The following MARCHF4 variants were observed in gnomAD, a reference collection of about 807,000 sequenced individuals.
The protein encoded by MARCHF4 is membrane associated ring-CH-type finger 4.
MARCHF4 carries 14 observed loss-of-function variants against 43.9 expected under a neutral mutation model. That is an observed-to-expected ratio of 0.32 (90% confidence interval 0.21 to 0.50). MARCHF4 has a LOEUF of 0.50. MARCHF4 is among the 20% of genes least tolerant of loss of function. MARCHF4 has a pLI of 0.98. For synonymous variants in MARCHF4, 226 were observed against 213.3 expected (o/e 1.06, Z -0.52); for missense variants, 468 against 536.7 (o/e 0.87, Z 1.27).
intron 3 of MARCHF4, among the ~76,000 whole-genome samples, chr2:216,270,925 C>A (rs2105934640): frequency 6.6e-6 from 1 of 152,326 alleles, no homozygotes; most frequent in South Asian, 2.1e-4. Flanking sequence ...CTATTACAAG[C>A]ATTTTCCAGC....
intron 1 of MARCHF4, among the ~76,000 whole-genome samples, chr2:216,325,613 T>C (rs1384931267): frequency 6.6e-6 from 1 of 151,684 alleles, no homozygotes; most frequent in African/African-American, 2.4e-5. Context: ...GGTATATAGA[T>C]ATAGATCAAT....
chr2:216,268,599 A>G (rs780862433), intron 3 of MARCHF4, among the ~76,000 whole-genome samples: 5 of 152,192 alleles, frequency 3.3e-5, no homozygotes, highest in Admixed American at 6.5e-5. Context: ...AGCCATGTGG[A>G]ACTGAGTCAA....
At chr2:216,338,198 A>G (rs995447676) in intron 1 of MARCHF4, among the ~76,000 whole-genome samples, 2 of 152,196 alleles carry the variant, frequency 1.3e-5, no homozygotes, top group Non-Finnish European at 1.5e-5. Context: ...ACTTTTTCTT[A>G]AGCAGTTTAG....
At chr2:216,328,609 C>G (rs1401281202) in intron 1 of MARCHF4, among the ~76,000 whole-genome samples, 2 of 152,116 alleles carry the variant, frequency 1.3e-5, no homozygotes, top group African/African-American at 2.4e-5. Flanking sequence ...CCAGAGTTTA[C>G]TAGTTGTTTG....
chr2:216,280,108 C>G (rs1286923458), intron 2 of MARCHF4, among the ~76,000 whole-genome samples: 1 of 152,054 alleles, frequency 6.6e-6, no homozygotes, highest in Admixed American at 6.6e-5. Flanking sequence ...GGGTGGGGTT[C>G]TATGGACAAG....
At chr2:216,284,535 G>A (rs1236816496) in intron 1 of MARCHF4, among the ~76,000 whole-genome samples, 7 of 152,080 alleles carry the variant, frequency 4.6e-5, no homozygotes, top group Non-Finnish European at 8.8e-5. Context: ...GCACGATTGC[G>A]GCTAACTGCA....
intron 1 of MARCHF4, among the ~76,000 whole-genome samples, chr2:216,311,252 T>C (rs544670704): frequency 2.0e-5 from 3 of 152,270 alleles, no homozygotes; most frequent in African/African-American, 7.2e-5. Context: ...CATGTCTTTT[T>C]TTTTGGGTGG....
rs747052319 is a variant in MARCHF4 at position 216,369,821 on chromosome 2, C to T, written c.440G>A (p.Arg147His). The change falls in exon 1 of 4, where the codon CGC (arginine) becomes CAC (histidine). Residue 147 changes from arginine (R) to histidine (H), a missense_variant. This residue lies in a region of MARCHF4 where 158 missense variants were observed against 251.1 expected (regional missense o/e 0.63). Transcript: ENST00000273067. ...DDFCKEKTED[R>H]YSLGSSLDSG... The stretch of plus-strand genomic sequence containing the variant: ...GTCCAAGCTGCTGCCCAGTGAGTAG[C>T]GATCCTCGGTCTTCTCCTTACAGAA... 1.9e-6 allele frequency: 3 copies of T among 1,613,620 alleles called. No individual in the cohort carries two copies. In the African/African-American group the frequency reaches 4.0e-5, roughly 22 times the overall value.
intron 1 of MARCHF4, among the ~76,000 whole-genome samples, chr2:216,333,117 A>T (rs550718074): frequency 6.6e-6 from 1 of 152,114 alleles, no homozygotes; most frequent in Non-Finnish European, 1.5e-5. Context: ...TCTTACATAC[A>T]CACAAATACC....
intron 1 of MARCHF4, among the ~76,000 whole-genome samples, chr2:216,316,670 A>G (rs907046045): frequency 1.3e-5 from 2 of 152,184 alleles, no homozygotes; most frequent in South Asian, 4.1e-4. Flanking sequence ...AGTAGTGTCA[A>G]GGTACTAAGT....
At chr2:216,340,844 C>T (rs1692225222) in intron 1 of MARCHF4, among the ~76,000 whole-genome samples, 1 of 152,216 alleles carries the variant, frequency 6.6e-6, no homozygotes, top group Admixed American at 6.5e-5. Flanking sequence ...GCCTTGGATG[C>T]TGCACTACCC....
chr2:216,355,397 C>T (rs1692486588), intron 1 of MARCHF4, among the ~76,000 whole-genome samples: 1 of 152,178 alleles, frequency 6.6e-6, no homozygotes, highest in African/African-American at 2.4e-5. Context: ...TCAGCAATGA[C>T]ATGCAAAATC....
At chr2:216,270,199 C>A (rs1037972632) in intron 3 of MARCHF4, among the ~76,000 whole-genome samples, 2 of 152,150 alleles carry the variant, frequency 1.3e-5, no homozygotes, top group African/African-American at 4.8e-5. Flanking sequence ...TCTCAGCCTC[C>A]TGAGTAACTG....
intron 3 of MARCHF4, among the ~76,000 whole-genome samples, chr2:216,276,916 T>C (rs1359938379): frequency 1.3e-5 from 2 of 152,036 alleles, no homozygotes; most frequent in African/African-American, 4.8e-5. Context: ...AAAGGAAGAA[T>C]ATAAACTTGG....
intron 1 of MARCHF4, among the ~76,000 whole-genome samples, chr2:216,334,527 T>G (rs1239569332): frequency 6.6e-6 from 1 of 152,048 alleles, no homozygotes; most frequent in Non-Finnish European, 1.5e-5. Context: ...TAGCCTCCCA[T>G]GTAGCTAAGA....
intron 1 of MARCHF4, among the ~76,000 whole-genome samples, chr2:216,303,172 C>G (rs1018353007): frequency 3.3e-5 from 5 of 152,194 alleles, no homozygotes; most frequent in Non-Finnish European, 7.3e-5. Flanking sequence ...ACGTCATCTC[C>G]TAGAAAAGCA....
At chr2:216,305,741 C>T (rs1270590095) in intron 1 of MARCHF4, among the ~76,000 whole-genome samples, 1 of 152,132 alleles carries the variant, frequency 6.6e-6, no homozygotes, top group East Asian at 1.9e-4. Flanking sequence ...TTATCACAGG[C>T]CCATATGGAG....
chr2:216,334,206 T>C (rs1317165125), intron 1 of MARCHF4, among the ~76,000 whole-genome samples: 2 of 151,996 alleles, frequency 1.3e-5, no homozygotes, highest in Admixed American at 6.6e-5. Flanking sequence ...ATCAGAAAGA[T>C]GTGATGTGAG....
At chr2:216,270,655 T>C (rs1690921581) in intron 3 of MARCHF4, among the ~76,000 whole-genome samples, 1 of 152,180 alleles carries the variant, frequency 6.6e-6, no homozygotes, top group African/African-American at 2.4e-5. Flanking sequence ...GCCTGGATTT[T>C]AGGCTTAAGG....
Sources: gnomAD v4.1 joint callset for allele counts (sites outside exome capture counted in the v4.1 genomes callset) on GRCh38, gnomAD v4.1.1 for gene constraint, gnomAD v4.1.1 regional missense constraint, MANE v1.5 for transcripts, NCBI Gene and HGNC (gene_info 2026-07-23, HGNC 2026-07-21) for gene names.